SCEL: variants seen among roughly 807,000 people sequenced by gnomAD.
The protein encoded by SCEL is sciellin.
A neutral mutation model predicts 117.6 loss-of-function variants in SCEL; 113 were observed. The ratio of observed to expected loss-of-function variants is 0.96; its 90% CI spans 0.83 to 1.12. The LOEUF is 1.12. SCEL is among the 50% of genes most tolerant of loss of function. The pLI is 0.00. For synonymous variants in SCEL, 270 were observed against 256.2 expected (o/e 1.05, Z -0.51); for missense variants, 785 against 810.8 (o/e 0.97, Z 0.39).
intron 10 of SCEL, among the ~76,000 whole-genome samples, chr13:77,589,443 T>C (rs1317462533): frequency 6.6e-6 from 1 of 152,208 alleles, no homozygotes; most frequent in African/African-American, 2.4e-5. Flanking sequence ...AAAATATGCC[T>C]TCAAGATAAA....
chr13:77,636,417 A>G (rs1428019124), intron 29 of SCEL, among the ~76,000 whole-genome samples: 1 of 152,230 alleles, frequency 6.6e-6, no homozygotes, highest in African/African-American at 2.4e-5. Context: ...TAAAAATCCC[A>G]AGTGAGAGCC....
chr13:77,588,759 A>G (rs957909480), intron 9 of SCEL, among the ~76,000 whole-genome samples: 3 of 152,182 alleles, frequency 2.0e-5, no homozygotes, highest in Non-Finnish European at 4.4e-5. Context: ...GATAGTTGAC[A>G]TAATCCCCAA....
chr13:77,564,050 T>C, intron 5 of SCEL, 151 bp downstream of exon 5: 1 of 554,338 alleles, frequency 1.8e-6, no homozygotes. Context: ...AATTGAATTA[T>C]CTTCTTCAGA....
chr13:77,642,105 A>G (rs2090583233), intron 31 of SCEL, among the ~76,000 whole-genome samples: 2 of 152,184 alleles, frequency 1.3e-5, no homozygotes, highest in African/African-American at 4.8e-5. Flanking sequence ...TCTATTTTCA[A>G]TGTAATTTCA....
chr13:77,612,921 G>T lies in SCEL; in HGVS notation c.1368G>T (p.Val456=). The T allele has an allele frequency of 6.4e-7, 1 of 1,563,008 alleles. No individual in the cohort carries two copies. Among genetic ancestry groups the T allele is most frequent in the Non-Finnish European group, 8.7e-7 (1 of 1,155,940 alleles). Residue 456 remains valine, a synonymous_variant, in exon 23 of 33, where the codon GTG becomes GTT. Coordinates refer to ENST00000349847, the MANE Select transcript of SCEL (RefSeq NM_144777.3). ...GNQDLENLIK[V]IPSANKSSEQ... ...AAGACTTGGAAAATCTTATCAAAGT[G>T]ATCCCTTCAGCAAACAAAAGGTAAA...
intron 10 of SCEL, among the ~76,000 whole-genome samples, chr13:77,591,077 G>A (rs187004924): frequency 9.5e-4 from 145 of 152,096 alleles, no homozygotes; most frequent in African/African-American, 3.3e-3. Context: ...ATTTTAAAAT[G>A]TTATATCATT....
intron 24 of SCEL, among the ~76,000 whole-genome samples, chr13:77,616,025 T>C (rs1399841516): frequency 6.6e-6 from 1 of 151,674 alleles, no homozygotes; most frequent in Non-Finnish European, 1.5e-5. Context: ...TGTGTGTGTG[T>C]GTGTGTGTGT....
chr13:77,543,195 T>C (rs1042872920), intron 1 of SCEL, among the ~76,000 whole-genome samples: 24 of 148,070 alleles, frequency 1.6e-4, no homozygotes, highest in African/African-American at 5.9e-4. Flanking sequence ...GCCATTCTCC[T>C]GCCTCAGCCT....
intron 30 of SCEL, among the ~76,000 whole-genome samples, chr13:77,639,505 G>T (rs1296753950): frequency 6.6e-6 from 1 of 151,964 alleles, no homozygotes; most frequent in African/African-American, 2.4e-5. Flanking sequence ...TAGATTAGTG[G>T]TTCCTGGGTA....
intron 9 of SCEL, among the ~76,000 whole-genome samples, chr13:77,581,537 C>T (rs953919943): frequency 2.0e-5 from 3 of 152,094 alleles, no homozygotes; most frequent in African/African-American, 4.8e-5. Flanking sequence ...TTGTTGCCTC[C>T]GCCCCTGCCA....
intron 1 of SCEL, among the ~76,000 whole-genome samples, chr13:77,551,566 C>T (rs9600894): frequency 0.44 from 67,286 of 151,892 alleles, 16,809 homozygotes; most frequent in Non-Finnish European, 0.55. Flanking sequence ...CACCTTCTTA[C>T]TGTGTCCTCA....
At chr13:77,625,652 A>T (rs749495803) in intron 27 of SCEL, among the ~76,000 whole-genome samples, 2 of 152,208 alleles carry the variant, frequency 1.3e-5, no homozygotes, top group African/African-American at 4.8e-5. Flanking sequence ...ATGGCTAGGG[A>T]ATGCTGCCGA....
intron 1 of SCEL, among the ~76,000 whole-genome samples, chr13:77,551,692 G>C (rs991273035): frequency 6.6e-6 from 1 of 151,886 alleles, no homozygotes; most frequent in Admixed American, 6.6e-5. Flanking sequence ...TTGTTTGTTT[G>C]TTTGTTTTAT....
At chr13:77,553,968 A>ATATGAATAACCCTTC (rs1266190121) in intron 1 of SCEL, among the ~76,000 whole-genome samples, 2 of 152,094 alleles carry the variant, frequency 1.3e-5, no homozygotes, top group East Asian at 3.9e-4. Context: ...TCATGCAGCA[A>ATATGAATAACCCTTC]ACAGCTGCGG....
intron 28 of SCEL, 30 bp from the exon 29 acceptor site, chr13:77,634,349 A>T (rs1429794395): frequency 1.9e-6 from 3 of 1,580,000 alleles, no homozygotes; most frequent in Middle Eastern, 3.3e-4. Context: ...AATAAACTTT[A>T]ATCATGAAGT....
At chr13:77,594,213 A>G (rs1401296802) in intron 12 of SCEL, among the ~76,000 whole-genome samples, 1 of 152,162 alleles carries the variant, frequency 6.6e-6, no homozygotes, top group East Asian at 1.9e-4. Flanking sequence ...TAATTTTTCC[A>G]AAGATTCTGC....
At chr13:77,613,303 A>T (rs530645132) in intron 23 of SCEL, among the ~76,000 whole-genome samples, 2 of 152,296 alleles carry the variant, frequency 1.3e-5, no homozygotes, top group South Asian at 2.1e-4. Context: ...AAACACAGGG[A>T]TTAATATTTA....
At chr13:77,567,154 A>G (rs640872) in intron 5 of SCEL, among the ~76,000 whole-genome samples, 31,781 of 152,194 alleles carry the variant, frequency 0.21, 4,139 homozygotes, top group African/African-American at 0.37. Flanking sequence ...GGCAAAAGGC[A>G]TAACACTTAA....
At chr13:77,572,784 A>G (rs1269592289) in intron 9 of SCEL, among the ~76,000 whole-genome samples, 1 of 152,184 alleles carries the variant, frequency 6.6e-6, no homozygotes, top group East Asian at 1.9e-4. Context: ...AACTAATTAC[A>G]TCTGCAATGA....
Sources: allele counts gnomAD v4.1 joint callset (sites outside exome capture counted in the v4.1 genomes callset), GRCh38; gene constraint gnomAD v4.1.1; transcripts MANE v1.5; gene names NCBI Gene and HGNC (gene_info 2026-07-23, HGNC 2026-07-21).